Variants in CHCHD3 observed in about 807,000 individuals in gnomAD.
The protein encoded by CHCHD3 is coiled-coil-helix-coiled-coil-helix domain containing 3.
CHCHD3 carries 20 observed loss-of-function variants against 38.2 expected under a neutral mutation model. The ratio of observed to expected loss-of-function variants is 0.52; its 90% CI spans 0.37 to 0.76. The LOEUF is 0.76. Ranked by LOEUF, CHCHD3 falls within the 30% of genes least tolerant of loss-of-function variation. The probability of loss-of-function intolerance (pLI) is 0.00; values close to 1 mark genes in which losing one functional copy is unlikely to be tolerated. For missense variants in CHCHD3, 245 were observed against 279.2 expected (o/e 0.88, Z 0.87); for synonymous variants, 82 against 100.0 (o/e 0.82, Z 1.07).
chr7:132,990,477 T>C (rs1812247144), intron 3 of CHCHD3, among the ~76,000 whole-genome samples: 1 of 152,156 alleles, frequency 6.6e-6, no homozygotes, highest in South Asian at 2.1e-4. Context: ...ATGGGCAGCT[T>C]GAGCCCTGGA....
Position 132,838,393 on chromosome 7 carries a change from A to C in CHCHD3, c.524+6T>G, listed in dbSNP as rs190799632. 11 of 1,591,170 alleles carry C rather than the reference A, an allele frequency of 6.9e-6. No individual in the cohort carries two copies. In the Admixed American group the frequency reaches 1.3e-4, roughly 19 times the overall value. ...GTAAATAATTATAATACTATTAAAAACTTACTTGAACTTTGCTTCCACCTC... is the reference window on the plus strand; with the variant it reads ...GTAAATAATTATAATACTATTAAAACCTTACTTGAACTTTGCTTCCACCTC... On this transcript the variant is annotated splice_donor_region_variant and intron_variant, in intron 6 of 7. Coordinates refer to ENST00000262570, the MANE Select transcript of CHCHD3 (RefSeq NM_017812.4).
At chr7:132,836,669 C>T (rs559130280) in intron 6 of CHCHD3, among the ~76,000 whole-genome samples, 1 of 151,834 alleles carries the variant, frequency 6.6e-6, no homozygotes, top group South Asian at 2.1e-4. Flanking sequence ...GATACAGGGT[C>T]TCACTATGTT....
intron 4 of CHCHD3, among the ~76,000 whole-genome samples, chr7:132,923,984 A>G (rs962619611): frequency 1.3e-4 from 20 of 152,228 alleles, no homozygotes; most frequent in African/African-American, 4.8e-4. Context: ...ATTCCTTTGT[A>G]GACAACAGTA....
chr7:132,927,123 CACAA>C (rs1810397160), intron 4 of CHCHD3, among the ~76,000 whole-genome samples: 2 of 152,206 alleles, frequency 1.3e-5, no homozygotes, highest in South Asian at 4.1e-4. Context: ...AGATTAGACC[CACAA>C]ACAGTTAAGA....
At chr7:132,860,391 T>A (rs1349709689) in intron 5 of CHCHD3, among the ~76,000 whole-genome samples, 1 of 152,124 alleles carries the variant, frequency 6.6e-6, no homozygotes, top group African/African-American at 2.4e-5. Flanking sequence ...TTCCTCTTGG[T>A]CTTCCTAGAC....
chr7:132,866,228 C>A (rs1460346198), intron 5 of CHCHD3, among the ~76,000 whole-genome samples: 5 of 152,180 alleles, frequency 3.3e-5, no homozygotes, highest in African/African-American at 1.2e-4. Flanking sequence ...CCAAGTACAA[C>A]CTCTCAAAAA....
At chr7:132,836,185 C>T (rs978215698) in intron 6 of CHCHD3, among the ~76,000 whole-genome samples, 63 of 152,028 alleles carry the variant, frequency 4.1e-4, no homozygotes, top group African/African-American at 1.5e-3. Context: ...ATGATCTCAG[C>T]TCACTGCAAC....
intron 6 of CHCHD3, among the ~76,000 whole-genome samples, chr7:132,812,217 T>C (rs1010746936): frequency 3.6e-5 from 5 of 140,134 alleles, no homozygotes; most frequent in East Asian, 2.1e-4. Flanking sequence ...TTTTTTTTTT[T>C]TTTTTTTTTT....
intron 4 of CHCHD3, among the ~76,000 whole-genome samples, chr7:132,967,378 A>C (rs1232237845): frequency 6.6e-6 from 1 of 152,032 alleles, no homozygotes; most frequent in Non-Finnish European, 1.5e-5. Flanking sequence ...AGGCCCCCAG[A>C]GTCTTGGCAG....
At chr7:132,809,775 T>C (rs1040298640) in intron 6 of CHCHD3, among the ~76,000 whole-genome samples, 1 of 152,232 alleles carries the variant, frequency 6.6e-6, no homozygotes, top group Non-Finnish European at 1.5e-5. Flanking sequence ...TCCCAAGCTA[T>C]GTTATACAAT....
chr7:132,993,423 C>A lies in CHCHD3; in HGVS notation c.252-18137G>T, dbSNP rs117283004. Among the ~76,000 whole-genome samples, 36 of 152,304 alleles carry A rather than the reference C, an allele frequency of 2.4e-4. No individual in the cohort carries two copies. In the East Asian group the frequency reaches 4.0e-3, roughly 17 times the overall value. Reference sequence around the variant, plus strand: ...GGGTGTATTAAAATCAAGTAGTAATCGTTGTCAATGCTACAAACATCAAAG... The same window carrying A: ...GGGTGTATTAAAATCAAGTAGTAATAGTTGTCAATGCTACAAACATCAAAG... On this transcript the variant is annotated intron_variant, in intron 3 of 7. Coordinates refer to ENST00000262570, the MANE Select transcript of CHCHD3 (RefSeq NM_017812.4).
At chr7:133,046,724 G>A (rs184105667) in intron 2 of CHCHD3, among the ~76,000 whole-genome samples, 19 of 152,012 alleles carry the variant, frequency 1.2e-4, no homozygotes, top group Non-Finnish European at 2.6e-4. Flanking sequence ...CACCACACCC[G>A]GCTAATTTTT....
chr7:133,034,508 C>CTTG, intron 2 of CHCHD3: 1 of 283,228 alleles, frequency 3.5e-6, no homozygotes, highest in Non-Finnish European at 6.0e-6. Context: ...TGGATCCAGT[C>CTTG]TTTTTTTTTT....
intron 2 of CHCHD3, among the ~76,000 whole-genome samples, chr7:133,032,530 C>T (rs1813531620): frequency 1.3e-5 from 2 of 152,210 alleles, no homozygotes; most frequent in African/African-American, 4.8e-5. Flanking sequence ...ATCTGAATGG[C>T]ATATTACGCA....
At chr7:133,081,654 T>C (rs1184751866) in intron 1 of CHCHD3, among the ~76,000 whole-genome samples, 1 of 152,208 alleles carries the variant, frequency 6.6e-6, no homozygotes, top group Non-Finnish European at 1.5e-5. Flanking sequence ...CAGCAGTGCC[T>C]AGCACTTGGC....
At chr7:133,019,427 T>A (rs376542950) in intron 3 of CHCHD3, among the ~76,000 whole-genome samples, 3 of 152,100 alleles carry the variant, frequency 2.0e-5, no homozygotes, top group East Asian at 1.9e-4. Context: ...TACAAATAAG[T>A]TTTAAGCCCT....
chr7:132,837,527 A>G (rs1807817239), intron 6 of CHCHD3, among the ~76,000 whole-genome samples: 1 of 152,238 alleles, frequency 6.6e-6, no homozygotes, highest in Admixed American at 6.5e-5. Context: ...TTTTATTTTA[A>G]TCCACATTAC....
intron 2 of CHCHD3, among the ~76,000 whole-genome samples, chr7:133,048,439 A>G (rs1814058559): frequency 6.6e-6 from 1 of 152,198 alleles, no homozygotes; most frequent in South Asian, 2.1e-4. Flanking sequence ...GATAGTCAGG[A>G]TAGGCTTCCT....
intron 4 of CHCHD3, among the ~76,000 whole-genome samples, chr7:132,900,326 AG>A (rs1809634714): frequency 5.7e-5 from 3 of 52,916 alleles, no homozygotes; most frequent in African/African-American, 2.3e-4. Flanking sequence ...CAACTGCCCA[AG>A]GTGATGGAGG....
Sources: allele counts gnomAD v4.1 joint callset (sites outside exome capture counted in the v4.1 genomes callset), GRCh38; gene constraint gnomAD v4.1.1; transcripts MANE v1.5; gene names NCBI Gene and HGNC (gene_info 2026-07-23, HGNC 2026-07-21).